The following CDK6 variants were observed in gnomAD, a reference collection of about 807,000 sequenced individuals.
CDK6 encodes cyclin-dependent kinase 6.
CDK6 carries 6 observed loss-of-function variants against 37.1 expected under a neutral mutation model. The ratio of observed to expected loss-of-function variants is 0.16; its 90% CI spans 0.09 to 0.32. The LOEUF (loss-of-function observed/expected upper bound fraction) is 0.32, where lower values mean the gene tolerates loss of function less well. Ranked by LOEUF, CDK6 falls within the 10% of genes least tolerant of loss-of-function variation. The pLI is 1.00. For missense variants in CDK6, 224 were observed against 418.9 expected (o/e 0.53, Z 4.06); for synonymous variants, 160 against 161.3 (o/e 0.99, Z 0.06).
intron 3 of CDK6, among the ~76,000 whole-genome samples, chr7:92,761,752 G>C (rs1203340961): frequency 1.3e-5 from 2 of 152,188 alleles, no homozygotes; most frequent in African/African-American, 2.4e-5. Context: ...TGAAACTGTG[G>C]AGAAAGTGAT....
rs1253641575 is a variant in CDK6, at chr7:92,606,191, T to A, written c.*8949A>T. ...CAGCAGCCTGGAATGTGGTTTATAT[T>A]CTTGATTAGTTTTTCTCTTGGTACC... On this transcript the variant is annotated 3_prime_UTR_variant, in exon 8 of 8. Coordinates refer to ENST00000424848, the MANE Select transcript of CDK6 (RefSeq NM_001145306.2). 8.6e-6 allele frequency: 2 copies of A among 233,456 alleles called. No individual in the cohort carries two copies. Among genetic ancestry groups the A allele is most frequent in the African/African-American group, 4.4e-5 (2 of 45,350 alleles). 14.5% of individuals were successfully genotyped at this position (233,456 alleles called of 1,614,324 possible).
intron 3 of CDK6, among the ~76,000 whole-genome samples, chr7:92,771,738 C>G (rs141770174): frequency 6.6e-6 from 1 of 152,104 alleles, no homozygotes; most frequent in Admixed American, 6.6e-5. Context: ...AATATCTGTA[C>G]GAGTATAGTC....
intron 5 of CDK6, among the ~76,000 whole-genome samples, chr7:92,635,276 T>C (rs1796144021): frequency 6.6e-6 from 1 of 152,204 alleles, no homozygotes; most frequent in African/African-American, 2.4e-5. Context: ...AGGGCAGTGT[T>C]AGGTTCCCTG....
chr7:92,656,865 C>T (rs1028763026), intron 5 of CDK6, among the ~76,000 whole-genome samples: 2 of 152,128 alleles, frequency 1.3e-5, no homozygotes, highest in African/African-American at 4.8e-5. Flanking sequence ...CCACCCTACA[C>T]CTGGAGGATA....
chr7:92,711,301 T>G (rs1244265610), intron 4 of CDK6, among the ~76,000 whole-genome samples: 1 of 152,084 alleles, frequency 6.6e-6, no homozygotes, highest in Non-Finnish European at 1.5e-5. Flanking sequence ...ATGTTAGATA[T>G]GGACAAAATG....
intron 4 of CDK6, among the ~76,000 whole-genome samples, chr7:92,705,498 A>G (rs186948165): frequency 6.6e-6 from 1 of 152,312 alleles, no homozygotes; most frequent in East Asian, 1.9e-4. Flanking sequence ...TGGAAATCAC[A>G]TGAAACCTAA....
chr7:92,708,150 C>T lies in CDK6; in HGVS notation c.537+17476G>A, dbSNP rs557328110. ...ACTAATTTACAACTTTCTTTGAAAC[C>T]CCAGTTTGATTATCTGACTTTTGAA... On this transcript the variant is annotated intron_variant, in intron 4 of 7. Transcript: ENST00000424848. 3.9e-5 allele frequency among the ~76,000 whole-genome samples: 6 copies of T among 152,078 alleles called. No homozygotes were observed. In the South Asian group the frequency reaches 1.2e-3, roughly 32 times the overall value.
intron 2 of CDK6, among the ~76,000 whole-genome samples, chr7:92,803,572 A>G (rs1584105049): frequency 6.6e-6 from 1 of 152,336 alleles, no homozygotes; most frequent in East Asian, 1.9e-4. Context: ...TTTAGAGGAC[A>G]GTGTGGGACA....
chr7:92,739,127 T>C (rs1798858969), intron 3 of CDK6, among the ~76,000 whole-genome samples: 1 of 152,218 alleles, frequency 6.6e-6, no homozygotes, highest in African/African-American at 2.4e-5. Context: ...CTATTGTCTA[T>C]AATGGCTACC....
At position 92,833,278 on chromosome 7, in the gene CDK6, C is replaced by T. The variant is rs1445849101; in HGVS notation, c.46G>A (p.Val16Met). The change falls in exon 2 of 8, where the codon GTG becomes ATG. Residue 16 changes from valine to methionine, a missense_variant. This residue lies in a region of CDK6 where 13 missense variants were observed against 43.8 expected (regional missense o/e 0.30). Coordinates refer to ENST00000424848, the MANE Select transcript of CDK6 (RefSeq NM_001145306.2). This position sits in a 1 kb window ranked among gnomAD's most constrained non-coding sequence, Gnocchi z 6.1. ...TAGGCGCCCTCCCCGATCTCCGCCA[C>T]GCATTCGTACTGCTGGTCAGCGCGG... is the stretch of plus-strand genomic sequence containing the variant. ...LCRADQQYEC[V>M]AEIGEGAYGK... 6.2e-7 allele frequency: 1 copy of T among 1,609,124 alleles called. No individual in the cohort carries two copies. The highest frequency in any genetic ancestry group is 8.5e-7 in the Non-Finnish European group (1 of 1,178,680).
chr7:92,715,330 G>C (rs1279375165), intron 4 of CDK6, among the ~76,000 whole-genome samples: 2 of 152,112 alleles, frequency 1.3e-5, no homozygotes, highest in East Asian at 3.9e-4. Flanking sequence ...TGGTTGAGCT[G>C]TTAAATTTAC....
rs61112739 is a variant in CDK6 at position 92,695,271 on chromosome 7, T to TAAAA, written c.538-23740_538-23737dup. Among the ~76,000 whole-genome samples, 239 of 99,632 alleles carry TAAAA rather than the reference T, an allele frequency of 2.4e-3. 1 individual carries two copies. The highest frequency in any genetic ancestry group is 8.9e-3 in the African/African-American group (222 of 25,062). 65.4% of individuals were successfully genotyped at this position (99,632 alleles called of 152,430 possible). On this transcript the variant is annotated intron_variant, in intron 4 of 7. Coordinates refer to ENST00000424848, the MANE Select transcript of CDK6 (RefSeq NM_001145306.2). ...TGTTGGTGATTAAGGGACCCTGAGGTAAAAAAAAAAAAAAGAAAGAAAGAA... is the reference window on the plus strand; with the variant it reads ...TGTTGGTGATTAAGGGACCCTGAGGTAAAAAAAAAAAAAAAAAAGAAAGAAAGAA...
intron 3 of CDK6, among the ~76,000 whole-genome samples, chr7:92,761,400 T>C (rs1267338454): frequency 6.6e-6 from 1 of 152,162 alleles, no homozygotes; most frequent in Non-Finnish European, 1.5e-5. Context: ...TTCAGCCTCC[T>C]AACCAGCACT....
At position 92,610,165 on chromosome 7, in the gene CDK6, G is replaced by T. The variant is rs973101727; in HGVS notation, c.*4975C>A. 1 of 231,548 alleles carries T rather than the reference G, an allele frequency of 4.3e-6. No homozygotes were observed. Among genetic ancestry groups the T allele is most frequent in the Non-Finnish European group, 8.5e-6 (1 of 117,096 alleles). 14.3% of individuals were successfully genotyped at this position (231,548 alleles called of 1,614,324 possible). The stretch of plus-strand genomic sequence containing the variant: ...AGTGTGAATGTTTAGAAAGACTTTT[G>T]CAAGAAAAGTCACCTTCCTTTCCTA... On this transcript the variant is annotated 3_prime_UTR_variant, in exon 8 of 8. Coordinates refer to ENST00000424848, the MANE Select transcript of CDK6 (RefSeq NM_001145306.2).
intron 2 of CDK6, among the ~76,000 whole-genome samples, chr7:92,782,550 C>T (rs760074940): frequency 3.9e-5 from 6 of 152,178 alleles, no homozygotes; most frequent in Non-Finnish European, 8.8e-5. Context: ...TAAAACTCTA[C>T]ACTGGGATTA....
intron 5 of CDK6, among the ~76,000 whole-genome samples, chr7:92,631,618 T>C (rs950001212): frequency 2.0e-5 from 3 of 152,138 alleles, no homozygotes; most frequent in African/African-American, 7.2e-5. Context: ...GAAAGAGCAT[T>C]GCCTATGGTT....
At chr7:92,656,470 C>T (rs929861240) in intron 5 of CDK6, among the ~76,000 whole-genome samples, 5 of 152,152 alleles carry the variant, frequency 3.3e-5, no homozygotes, top group African/African-American at 9.7e-5. Flanking sequence ...TGTAATTTAG[C>T]GCCTTGGTTG....
At chr7:92,694,324 C>G (rs1797661021) in intron 4 of CDK6, among the ~76,000 whole-genome samples, 1 of 152,108 alleles carries the variant, frequency 6.6e-6, no homozygotes, top group Non-Finnish European at 1.5e-5. Flanking sequence ...TAAAGTCTTT[C>G]CAACTCCAGA....
intron 3 of CDK6, among the ~76,000 whole-genome samples, chr7:92,731,517 A>C (rs898692843): frequency 6.6e-6 from 1 of 152,206 alleles, no homozygotes; most frequent in African/African-American, 2.4e-5. Context: ...AGTCAGGCAC[A>C]CATCACCTCG....
Sources: gnomAD v4.1 joint callset for allele counts (sites outside exome capture counted in the v4.1 genomes callset) on GRCh38, gnomAD v4.1.1 for gene constraint, gnomAD v4.1.1 regional missense constraint, Gnocchi (gnomAD v3.1) non-coding constraint, MANE v1.5 for transcripts, NCBI Gene and HGNC (gene_info 2026-07-23, HGNC 2026-07-21) for gene names.